Variants in GABRB1 observed in about 807,000 individuals in gnomAD.
GABRB1 encodes gamma-aminobutyric acid receptor subunit beta-1.
Under a neutral mutation model 51.6 loss-of-function variants are expected in GABRB1, and 17 were observed. That is an observed-to-expected ratio of 0.33 (90% CI 0.23 to 0.49). The LOEUF (loss-of-function observed/expected upper bound fraction) is 0.49, where lower values mean the gene tolerates loss of function less well. Ranked by LOEUF, GABRB1 falls within the 20% of genes least tolerant of loss-of-function variation. GABRB1 has a pLI of 0.99. For missense variants in GABRB1, 410 were observed against 600.6 expected (o/e 0.68, Z 3.32); for synonymous variants, 247 against 218.9 (o/e 1.13, Z -1.14).
intron 8 of GABRB1, among the ~76,000 whole-genome samples, chr4:47,418,585 C>T (rs768109549): frequency 2.0e-5 from 3 of 152,174 alleles, no homozygotes; most frequent in African/African-American, 7.2e-5. Flanking sequence ...AAACCACAGC[C>T]GACCAAGTTG....
chr4:47,100,012 T>C (rs997326415), intron 3 of GABRB1, among the ~76,000 whole-genome samples: 1 of 151,912 alleles, frequency 6.6e-6, no homozygotes, highest in African/African-American at 2.4e-5. Flanking sequence ...AGGAATATAA[T>C]AAAGAAAAAA....
At chr4:47,026,679 T>G (rs1004538951), upstream of GABRB1, among the ~76,000 whole-genome samples, 8 of 152,020 alleles carry the variant, frequency 5.3e-5, no homozygotes, top group African/African-American at 1.9e-4. Flanking sequence ...TCTACTTGGA[T>G]AGCATGGTCT....
At chr4:47,173,018 C>A (rs939421336) in intron 4 of GABRB1, among the ~76,000 whole-genome samples, 2 of 152,130 alleles carry the variant, frequency 1.3e-5, no homozygotes, top group East Asian at 3.9e-4. Context: ...GCTGAGAGAG[C>A]TGCCTGGTCC....
chr4:47,369,833 G>A (rs947502976), intron 5 of GABRB1, among the ~76,000 whole-genome samples: 1 of 152,112 alleles, frequency 6.6e-6, no homozygotes, highest in Non-Finnish European at 1.5e-5. Flanking sequence ...TCATAAAATG[G>A]CAGTAGAAAA....
chr4:47,412,927 T>C (rs1185624789), intron 8 of GABRB1, among the ~76,000 whole-genome samples: 2 of 152,234 alleles, frequency 1.3e-5, no homozygotes, highest in Non-Finnish European at 2.9e-5. Flanking sequence ...CACCCCACTC[T>C]AATTTTTTAT....
chr4:47,102,810 C>T (rs538633339), intron 3 of GABRB1, among the ~76,000 whole-genome samples: 1 of 151,960 alleles, frequency 6.6e-6, no homozygotes, highest in African/African-American at 2.4e-5. Flanking sequence ...ATTCATAAGA[C>T]TAGGTTGAAA....
At chr4:47,084,516 T>C (rs1269665453) in intron 3 of GABRB1, among the ~76,000 whole-genome samples, 2 of 152,246 alleles carry the variant, frequency 1.3e-5, no homozygotes, top group Non-Finnish European at 2.9e-5. Flanking sequence ...TCTAGAAGTC[T>C]GGAAGCTCTG....
chr4:47,254,361 G>GGTTTTTTTTTTTTTTTTTTTTT lies in GABRB1; in HGVS notation c.462-65766_462-65765insGTTTTTTTTTTTTTTTTTTTTT, dbSNP rs1305298443. ...ATGGTGGATGATGTTTCTTTTCTTTGTTTTTTTTTTTTTTTTTTTTTTTTT... is the reference window on the plus strand; with the variant it reads ...ATGGTGGATGATGTTTCTTTTCTTTGGTTTTTTTTTTTTTTTTTTTTTTTTTTTTTTTTTTTTTTTTTTTTTT... On this transcript the variant is annotated intron_variant, in intron 4 of 8. Coordinates refer to ENST00000295454, the MANE Select transcript of GABRB1 (RefSeq NM_000812.4). Among the ~76,000 whole-genome samples, 20 of 80,966 alleles carry GGTTTTTTTTTTTTTTTTTTTTT rather than the reference G, an allele frequency of 2.5e-4. 9 individuals are homozygous for GGTTTTTTTTTTTTTTTTTTTTT. The highest frequency in any genetic ancestry group is 2.3e-4 in the Non-Finnish European group (10 of 44,332). The allele number at this position is 80,966 out of a possible 152,430, so 53.1% of individuals were successfully genotyped here. A position where few individuals can be genotyped will look rare whatever the true frequency, so the allele number is the denominator to read the frequency against.
At chr4:47,133,370 A>G (rs1332776102) in intron 3 of GABRB1, among the ~76,000 whole-genome samples, 1 of 152,198 alleles carries the variant, frequency 6.6e-6, no homozygotes, top group Non-Finnish European at 1.5e-5. Context: ...AGAGCACTCT[A>G]AATAATTAAT....
chr4:47,286,270 C>T (rs1723505993), intron 4 of GABRB1, among the ~76,000 whole-genome samples: 1 of 152,186 alleles, frequency 6.6e-6, no homozygotes, highest in African/African-American at 2.4e-5. Flanking sequence ...ACACCAGGGA[C>T]ATCACTTTGA....
chr4:47,274,982 A>G (rs1723025376), intron 4 of GABRB1, among the ~76,000 whole-genome samples: 14 of 152,150 alleles, frequency 9.2e-5, no homozygotes, highest in Admixed American at 9.2e-4. Flanking sequence ...TTCAAATTGT[A>G]TTCGTGTTTT....
At chr4:47,081,089 G>A (rs1727823967) in intron 3 of GABRB1, among the ~76,000 whole-genome samples, 1 of 152,134 alleles carries the variant, frequency 6.6e-6, no homozygotes, top group Non-Finnish European at 1.5e-5. Context: ...CTGAGGAATG[G>A]CATGTTGTGA....
intron 4 of GABRB1, among the ~76,000 whole-genome samples, chr4:47,210,282 A>G (rs1489240309): frequency 2.0e-5 from 3 of 152,202 alleles, no homozygotes; most frequent in Non-Finnish European, 2.9e-5. Flanking sequence ...TTTTAATCTT[A>G]TAGCTTATAC....
chr4:47,380,215 A>G (rs545270958), intron 5 of GABRB1, among the ~76,000 whole-genome samples: 26 of 152,362 alleles, frequency 1.7e-4, no homozygotes, highest in Admixed American at 7.8e-4. Flanking sequence ...GGTTTATTTT[A>G]TGGAGCATAT....
In GABRB1 at chr4:47,045,145, G is replaced by GTGAC. The variant is rs199845298; in HGVS notation, c.240+12663_240+12666dup. 2.8e-4 allele frequency among the ~76,000 whole-genome samples: 42 copies of GTGAC among 152,128 alleles called. No individual in the cohort carries two copies. In the East Asian group the frequency reaches 7.7e-3, roughly 28 times the overall value. On this transcript the variant is annotated intron_variant, in intron 3 of 8. Transcript: ENST00000295454. ...TCTGTTGGCATTAATTAACTCTAGA[G>GTGAC]TGACTATGCAAGTCCTTGACAAAAC...
At chr4:47,068,486 T>A (rs1727178892) in intron 3 of GABRB1, among the ~76,000 whole-genome samples, 5 of 152,300 alleles carry the variant, frequency 3.3e-5, no homozygotes, top group Admixed American at 2.0e-4. Flanking sequence ...GACATTCAAC[T>A]CTTTCTTTTA....
intron 4 of GABRB1, among the ~76,000 whole-genome samples, chr4:47,223,885 T>A (rs552755522): frequency 3.2e-4 from 48 of 152,300 alleles, no homozygotes; most frequent in African/African-American, 1.1e-3. Flanking sequence ...AAGCTAGAAG[T>A]AACATCTCAA....
chr4:47,222,240 G>T (rs762492850), intron 4 of GABRB1, among the ~76,000 whole-genome samples: 1 of 152,034 alleles, frequency 6.6e-6, no homozygotes, highest in African/African-American at 2.4e-5. Context: ...TTTATTTTGG[G>T]GTTACAAATA....
At chr4:47,299,675 A>C (rs1039073855) in intron 4 of GABRB1, among the ~76,000 whole-genome samples, 2 of 152,100 alleles carry the variant, frequency 1.3e-5, no homozygotes, top group African/African-American at 4.8e-5. Flanking sequence ...TGTGGAAGTC[A>C]GTGTGGCGAT....
Sources: gnomAD v4.1 joint callset for allele counts (sites outside exome capture counted in the v4.1 genomes callset) on GRCh38, gnomAD v4.1.1 for gene constraint, MANE v1.5 for transcripts, NCBI Gene and HGNC (gene_info 2026-07-23, HGNC 2026-07-21) for gene names.